Variants in PTPRD observed in about 807,000 individuals in gnomAD.
PTPRD encodes the protein receptor-type tyrosine-protein phosphatase delta.
PTPRD carries 34 observed loss-of-function variants against 214.5 expected under a neutral mutation model. The observed-to-expected ratio is 0.16, with a 90% CI of 0.12 to 0.21. The LOEUF is 0.21. Ranked by LOEUF, PTPRD falls within the 10% of genes least tolerant of loss-of-function variation. PTPRD has a pLI of 1.00. For synonymous variants in PTPRD, 1,128 were observed against 845.7 expected, an observed-to-expected ratio of 1.33 and a Z score of -5.79; for missense variants, 2,545 against 2,398.7, an observed-to-expected ratio of 1.06 and a Z score of -1.27.
At chr9:9,048,075 A>G (rs1180129558) in intron 10 of PTPRD, among the ~76,000 whole-genome samples, 1 of 152,198 alleles carries the variant, frequency 6.6e-6, no homozygotes, top group Non-Finnish European at 1.5e-5. Flanking sequence ...ATCATCAGAG[A>G]AATGCAAATT....
intron 8 of PTPRD, among the ~76,000 whole-genome samples, chr9:9,463,549 C>T (rs1241485340): frequency 6.6e-6 from 1 of 152,030 alleles, no homozygotes; most frequent in African/African-American, 2.4e-5. Flanking sequence ...GAGTCACTTT[C>T]CTATCACCTA....
chr9:8,928,991 C>G (rs761663764), intron 11 of PTPRD, among the ~76,000 whole-genome samples: 3 of 151,694 alleles, frequency 2.0e-5, no homozygotes, highest in Admixed American at 6.6e-5. Flanking sequence ...GACTCTCTGT[C>G]TATTATTGGT....
chr9:8,363,354 C>T (rs140956397), intron 39 of PTPRD, among the ~76,000 whole-genome samples: 2,297 of 152,176 alleles, frequency 0.015, 28 homozygotes, highest in Non-Finnish European at 0.025. Context: ...GGAGCCTTAC[C>T]GCAGTGAAGG....
intron 11 of PTPRD, among the ~76,000 whole-genome samples, chr9:8,910,354 T>A (rs2098738798): frequency 6.6e-6 from 1 of 152,094 alleles, no homozygotes; most frequent in South Asian, 2.1e-4. Context: ...AGAAATTTAA[T>A]CCCCAATGTG....
intron 11 of PTPRD, among the ~76,000 whole-genome samples, chr9:8,813,123 T>C (rs2096847194): frequency 6.6e-6 from 1 of 152,124 alleles, no homozygotes; most frequent in African/African-American, 2.4e-5. Context: ...AGAGGGAGTA[T>C]AATAAATGGG....
At chr9:9,431,446 A>C (rs1239768863) in intron 8 of PTPRD, among the ~76,000 whole-genome samples, 2 of 152,126 alleles carry the variant, frequency 1.3e-5, no homozygotes, top group Non-Finnish European at 2.9e-5. Flanking sequence ...ATGCTTTTAC[A>C]CTGTTGGTGG....
intron 11 of PTPRD, among the ~76,000 whole-genome samples, chr9:8,782,219 T>TG (rs542391802): frequency 1.3e-3 from 191 of 152,170 alleles, no homozygotes; most frequent in African/African-American, 4.4e-3. Flanking sequence ...GTATATATTG[T>TG]GGAATGGATC....
At chr9:8,483,558 C>G (rs1223246834) in intron 30 of PTPRD, among the ~76,000 whole-genome samples, 1 of 152,156 alleles carries the variant, frequency 6.6e-6, no homozygotes, top group African/African-American at 2.4e-5. Context: ...TGAGACCATC[C>G]AGGCTAACAC....
chr9:9,684,944 A>G (rs1014165787), intron 7 of PTPRD, among the ~76,000 whole-genome samples: 3 of 151,600 alleles, frequency 2.0e-5, no homozygotes, highest in Non-Finnish European at 4.4e-5. Context: ...ATAAGAATAG[A>G]TTATACATCA....
intron 11 of PTPRD, among the ~76,000 whole-genome samples, chr9:8,932,231 G>A (rs1247264493): frequency 1.3e-5 from 2 of 152,048 alleles, no homozygotes; most frequent in African/African-American, 2.4e-5. Context: ...TGCCTCTCTA[G>A]TTCTTTTAAT....
chr9:9,339,886 T>A lies in PTPRD; in HGVS notation c.-203+57563A>T, dbSNP rs575432330. 1.6e-3 allele frequency among the ~76,000 whole-genome samples: 250 copies of A among 152,238 alleles called. 1 individual carries two copies. The highest frequency in any genetic ancestry group is 5.4e-3 in the African/African-American group (226 of 41,546). On this transcript the variant is annotated intron_variant, in intron 9 of 45. Coordinates refer to ENST00000381196, the MANE Select transcript of PTPRD (RefSeq NM_002839.4). Reference sequence around the variant, plus strand: ...ATAACACCATTGGTTTTAGGTCAATTTATACCAATATATATAATCATAAAT... The same window carrying A: ...ATAACACCATTGGTTTTAGGTCAATATATACCAATATATATAATCATAAAT...
chr9:10,465,244 A>C (rs956866951), intron 2 of PTPRD, among the ~76,000 whole-genome samples: 11 of 152,200 alleles, frequency 7.2e-5, no homozygotes, highest in Non-Finnish European at 1.3e-4. Flanking sequence ...TTTGCTTATA[A>C]CAACAGCATA....
chr9:9,479,521 C>G (rs1006475104), intron 8 of PTPRD, among the ~76,000 whole-genome samples: 1 of 152,078 alleles, frequency 6.6e-6, no homozygotes, highest in Non-Finnish European at 1.5e-5. Context: ...GGCAGTATTT[C>G]TATGCCAATT....
chr9:8,607,278 A>C (rs1595111137), intron 14 of PTPRD, among the ~76,000 whole-genome samples: 1 of 152,338 alleles, frequency 6.6e-6, no homozygotes, highest in Middle Eastern at 3.4e-3. Context: ...CATCATGTAC[A>C]TGGTAAGTAT....
chr9:9,557,209 A>G (rs949593798), intron 8 of PTPRD, among the ~76,000 whole-genome samples: 1 of 152,162 alleles, frequency 6.6e-6, no homozygotes. Flanking sequence ...TTGAAAAACT[A>G]GTTCAGGCCA....
intron 14 of PTPRD, among the ~76,000 whole-genome samples, chr9:8,543,378 C>G (rs867896077): frequency 3.3e-5 from 5 of 152,268 alleles, no homozygotes; most frequent in African/African-American, 4.8e-5. Flanking sequence ...CCAACAGCCA[C>G]GAGTGGATGG....
chr9:8,461,426 C>A (rs913126762), intron 32 of PTPRD, among the ~76,000 whole-genome samples: 5 of 151,928 alleles, frequency 3.3e-5, no homozygotes, highest in African/African-American at 9.7e-5. Context: ...GATATCCGAT[C>A]CCATTTAGTT....
chr9:10,593,695 G>C (rs1205585592), intron 2 of PTPRD, among the ~76,000 whole-genome samples: 1 of 151,628 alleles, frequency 6.6e-6, no homozygotes, highest in Non-Finnish European at 1.5e-5. Flanking sequence ...TAAAAATTTT[G>C]GCAGACAACA....
rs114445263 is a variant in PTPRD, at chr9:10,108,785, A to T, written c.-544-74995T>A. On this transcript the variant is annotated intron_variant, in intron 3 of 45. Transcript: ENST00000381196. ...CACAAAGGGATACTATTCATCCTTA[A>T]AAAAGAGGAAAGCCTGTCCTGTATA... 3.5e-3 allele frequency among the ~76,000 whole-genome samples: 526 copies of T among 152,230 alleles called. 3 individuals are homozygous for T. The highest frequency in any genetic ancestry group is 0.01 in the African/African-American group (419 of 41,554).
Sources: gnomAD v4.1 joint callset for allele counts (sites outside exome capture counted in the v4.1 genomes callset) on GRCh38, gnomAD v4.1.1 for gene constraint, MANE v1.5 for transcripts, NCBI Gene and HGNC (gene_info 2026-07-23, HGNC 2026-07-21) for gene names.